The following UTRN variants were observed in gnomAD, a reference collection of about 807,000 sequenced individuals.
UTRN encodes the protein dystrophin-related protein 1.
Under a neutral mutation model 463.9 loss-of-function variants are expected in UTRN, and 283 were observed. That is an observed-to-expected ratio of 0.61 (90% confidence interval 0.55 to 0.67). The LOEUF (loss-of-function observed/expected upper bound fraction) is 0.67, where lower values mean the gene tolerates loss of function less well. UTRN is among the 30% of genes least tolerant of loss of function. The probability of loss-of-function intolerance (pLI) is 0.00; values close to 1 mark genes in which losing one functional copy is unlikely to be tolerated. For missense variants in UTRN, 3,922 were observed against 4,084.3 expected, an observed-to-expected ratio of 0.96 and a Z score of 1.08; for synonymous variants, 1,442 against 1,431.5, an observed-to-expected ratio of 1.01 and a Z score of -0.17.
intron 2 of UTRN, among the ~76,000 whole-genome samples, chr6:144,335,495 G>T (rs753319211): frequency 1.3e-4 from 20 of 152,146 alleles, no homozygotes; most frequent in South Asian, 4.1e-4. Flanking sequence ...GGCATGCTCT[G>T]ACCTGCCTCC....
In UTRN at chr6:144,308,450, TG is replaced by T. The variant is rs1253776348; in HGVS notation, c.79+16545del. Reference sequence around the variant, plus strand: ...GGCTATAGGCATGTGCCACCACGCCTGGCTAATTTTTGTATTTTTTTTTGTA... The same window carrying T: ...GGCTATAGGCATGTGCCACCACGCCTGCTAATTTTTGTATTTTTTTTTGTA... On this transcript the variant is annotated intron_variant, in intron 2 of 74. Coordinates refer to ENST00000367545, the MANE Select transcript of UTRN (RefSeq NM_007124.3). 2.0e-5 allele frequency among the ~76,000 whole-genome samples: 3 copies of T among 152,150 alleles called. No individual in the cohort carries two copies. In the East Asian group the frequency reaches 5.8e-4, roughly 29 times the overall value.
intron 9 of UTRN, 29 bp from the exon 10 acceptor site, chr6:144,435,906 G>A: frequency 1.2e-6 from 2 of 1,609,698 alleles, no homozygotes; most frequent in South Asian, 1.1e-5. Context: ...GATGATTAGT[G>A]TGGGTTTTTC....
chr6:144,574,572 G>GT (rs1490857051), intron 50 of UTRN, among the ~76,000 whole-genome samples: 13 of 151,508 alleles, frequency 8.6e-5, no homozygotes, highest in African/African-American at 2.2e-4. Flanking sequence ...ACATATGGTG[G>GT]TTTTTTTTGT....
At chr6:144,333,074 A>G (rs1776453816) in intron 2 of UTRN, 1 of 152,006 alleles carries the variant, frequency 6.6e-6, no homozygotes, top group Non-Finnish European at 1.5e-5. Context: ...AGCTGGGATT[A>G]CAGGCTCCCA....
chr6:144,639,840 A>G (rs1272275175), intron 51 of UTRN, among the ~76,000 whole-genome samples: 1 of 152,192 alleles, frequency 6.6e-6, no homozygotes, highest in Non-Finnish European at 1.5e-5. Context: ...AAGCTTTGAA[A>G]TGCCAAAGCA....
chr6:144,412,923 C>T (rs1222287398), intron 3 of UTRN, among the ~76,000 whole-genome samples: 1 of 152,128 alleles, frequency 6.6e-6, no homozygotes, highest in African/African-American at 2.4e-5. Context: ...AGATGACACT[C>T]ATCAGACATG....
chr6:144,635,902 G>A (rs1008814995), intron 51 of UTRN, among the ~76,000 whole-genome samples: 1 of 151,848 alleles, frequency 6.6e-6, no homozygotes, highest in Non-Finnish European at 1.5e-5. Context: ...TTTAAACCTA[G>A]TCATTCTTTC....
intron 50 of UTRN, among the ~76,000 whole-genome samples, chr6:144,565,424 T>G (rs1319383369): frequency 6.6e-6 from 1 of 152,106 alleles, no homozygotes; most frequent in Non-Finnish European, 1.5e-5. Flanking sequence ...GTTGAACATG[T>G]GGGACTGGAT....
intron 51 of UTRN, among the ~76,000 whole-genome samples, chr6:144,654,323 G>A (rs936717343): frequency 3.3e-5 from 5 of 152,174 alleles, no homozygotes; most frequent in African/African-American, 9.7e-5. Context: ...CCACTGCTTA[G>A]TATTATACAC....
chr6:144,425,930 A>C (rs1785255126), intron 6 of UTRN, among the ~76,000 whole-genome samples: 1 of 152,234 alleles, frequency 6.6e-6, no homozygotes, highest in South Asian at 2.1e-4. Flanking sequence ...TTTGTAGAAA[A>C]TAAAATTTAA....
intron 51 of UTRN, among the ~76,000 whole-genome samples, chr6:144,635,535 C>CTTTTTTTTTTTTT (rs1219903798): frequency 9.0e-5 from 3 of 33,182 alleles, no homozygotes; most frequent in African/African-American, 2.5e-4. Context: ...TTTTTCTTTT[C>CTTTTTTTTTTTTT]TTTTTTTTTT....
chr6:144,642,270 G>A lies in UTRN; in HGVS notation c.7480-36136G>A, dbSNP rs528323406. Among the ~76,000 whole-genome samples the A allele has an allele frequency of 6.6e-5, 10 of 152,230 alleles. No homozygotes were observed. In the East Asian group the frequency reaches 1.2e-3, roughly 18 times the overall value. On this transcript the variant is annotated intron_variant, in intron 51 of 74. Coordinates refer to ENST00000367545, the MANE Select transcript of UTRN (RefSeq NM_007124.3). ...GTGTGGGTCCACAGAGATTATATTC[G>A]TTGTATAAAGCCTAATTTTTTGTCT...
chr6:144,480,298 A>AT (rs112233265), intron 26 of UTRN, among the ~76,000 whole-genome samples: 66 of 151,474 alleles, frequency 4.4e-4, no homozygotes, highest in Middle Eastern at 3.4e-3. Flanking sequence ...AAGAATGATC[A>AT]TTTTTTTTTA....
chr6:144,381,326 TC>T (rs1780900341), intron 2 of UTRN, among the ~76,000 whole-genome samples: 1 of 152,198 alleles, frequency 6.6e-6, no homozygotes, highest in African/African-American at 2.4e-5. Flanking sequence ...TCCAGCTCCA[TC>T]CATGTCCCTG....
intron 65 of UTRN, among the ~76,000 whole-genome samples, chr6:144,820,294 T>C (rs1779486254): frequency 6.6e-6 from 1 of 151,510 alleles, no homozygotes; most frequent in African/African-American, 2.5e-5. Context: ...AAAATAATTA[T>C]ATGTCTGCAT....
chr6:144,530,949 G>A lies in UTRN; in HGVS notation c.5907-103G>A, dbSNP rs1797003155. On this transcript the variant is annotated intron_variant, in intron 41 of 74. Coordinates refer to ENST00000367545, the MANE Select transcript of UTRN (RefSeq NM_007124.3). Reference sequence around the variant, plus strand: ...TAGGCTGTGAATTCAGTTGTTTGAGGTCTTTCTGTTTAAATGAAATTTGAT... The same window carrying A: ...TAGGCTGTGAATTCAGTTGTTTGAGATCTTTCTGTTTAAATGAAATTTGAT... 4.6e-6 allele frequency: 6 copies of A among 1,297,744 alleles called. No homozygotes were observed. In the Admixed American group the frequency reaches 1.0e-4, roughly 22 times the overall value. 80.4% of individuals were successfully genotyped at this position (1,297,744 alleles called of 1,614,324 possible).
At chr6:144,795,653 G>T (rs1427659399) in intron 63 of UTRN, among the ~76,000 whole-genome samples, 3 of 152,022 alleles carry the variant, frequency 2.0e-5, no homozygotes, top group Admixed American at 2.0e-4. Flanking sequence ...ATGTTTGTTG[G>T]CTGCATAAAT....
chr6:144,621,345 C>T (rs919703236), intron 51 of UTRN, among the ~76,000 whole-genome samples: 2 of 152,062 alleles, frequency 1.3e-5, no homozygotes, highest in African/African-American at 4.8e-5. Context: ...TTATGGTTCT[C>T]CAGAGAAACC....
intron 53 of UTRN, among the ~76,000 whole-genome samples, chr6:144,705,189 A>G (rs563946155): frequency 6.6e-6 from 1 of 152,040 alleles, no homozygotes; most frequent in African/African-American, 2.4e-5. Context: ...TAGGTGTGAT[A>G]ATTTGGGTTA....
Sources: allele counts gnomAD v4.1 joint callset (sites outside exome capture counted in the v4.1 genomes callset), GRCh38; gene constraint gnomAD v4.1.1; transcripts MANE v1.5; gene names NCBI Gene and HGNC (gene_info 2026-07-23, HGNC 2026-07-21).